The following MGAT4C variants were observed in gnomAD, a reference collection of about 807,000 sequenced individuals.
MGAT4C encodes alpha-1,3-mannosyl-glycoprotein 4-beta-N-acetylglucosaminyltransferase C.
In MGAT4C, 19 loss-of-function variants were observed where a neutral mutation model predicts 40.1. The ratio of observed to expected loss-of-function variants is 0.47; its 90% CI spans 0.33 to 0.70. The LOEUF (loss-of-function observed/expected upper bound fraction) is 0.70, where lower values mean the gene tolerates loss of function less well. Ranked by LOEUF, MGAT4C falls within the 30% of genes least tolerant of loss-of-function variation. The pLI, the probability that MGAT4C is intolerant of heterozygous loss-of-function variation, is 0.02. For synonymous variants in MGAT4C, 181 were observed against 187.1 expected, an observed-to-expected ratio of 0.97 and a Z score of 0.27; for missense variants, 491 against 563.2, an observed-to-expected ratio of 0.87 and a Z score of 1.30.
intron 1 of MGAT4C, among the ~76,000 whole-genome samples, chr12:86,159,776 G>A (rs1414028411): frequency 6.6e-6 from 1 of 151,940 alleles, no homozygotes; most frequent in Admixed American, 6.6e-5. Context: ...GTGCTTCCAG[G>A]AATTTACCCA....
chr12:86,535,928 G>A lies in MGAT4C; in HGVS notation c.-228-100663C>T, dbSNP rs577794911. 1.7e-4 allele frequency among the ~76,000 whole-genome samples: 26 copies of A among 152,108 alleles called. 2 individuals are homozygous for A. The South Asian group carries it at 5.0e-3, about 29-fold the overall frequency. On this transcript the variant is annotated intron_variant, in intron 2 of 7. Transcript: ENST00000548651. ...AAATTATTGTAGATATTTTCATTAT[G>A]TGTTTTCTTAATCTTGTCAGTATTT...
Position 86,296,814 on chromosome 12 carries a change from C to T in MGAT4C, c.-57+37251G>A, listed in dbSNP as rs556574999. Among the ~76,000 whole-genome samples, 41 of 152,306 alleles carry T rather than the reference C, an allele frequency of 2.7e-4. 1 individual carries two copies. Among genetic ancestry groups the T allele is most frequent in the Admixed American group, 1.2e-3 (18 of 15,308 alleles). On this transcript the variant is annotated intron_variant, in intron 4 of 7. Transcript: ENST00000548651. The stretch of plus-strand genomic sequence containing the variant: ...TGCAAGCTGAGGGAGCCGGTTCTGG[C>T]CTTGGCCAGCCCAGAAAGGGGCTCC...
At chr12:86,529,781 G>C (rs572349178) in intron 2 of MGAT4C, among the ~76,000 whole-genome samples, 7 of 151,740 alleles carry the variant, frequency 4.6e-5, no homozygotes, top group Admixed American at 4.6e-4. Flanking sequence ...ATTTTCCTTA[G>C]AATATATATG....
At position 86,563,050 on chromosome 12, in the gene MGAT4C, A is replaced by G. The variant is rs551455342; in HGVS notation, c.-228-127785T>C. On this transcript the variant is annotated intron_variant, in intron 2 of 7. Transcript: ENST00000548651. ...GGAGATTGGGGTGCTGGAGAGGATT[A>G]GTCACTTTAGACCTACTCATCCCAA... Among the ~76,000 whole-genome samples, 7 of 152,182 alleles carry G rather than the reference A, an allele frequency of 4.6e-5. No homozygotes were observed. In the East Asian group the frequency reaches 1.4e-3, roughly 30 times the overall value.
intron 2 of MGAT4C, among the ~76,000 whole-genome samples, chr12:86,039,354 A>G (rs1268830749): frequency 1.3e-5 from 2 of 152,082 alleles, no homozygotes; most frequent in Non-Finnish European, 2.9e-5. Context: ...TTTCAGGTAC[A>G]CCTATCAAAT....
intron 1 of MGAT4C, among the ~76,000 whole-genome samples, chr12:86,203,652 AAG>A (rs2135939541): frequency 6.6e-6 from 1 of 152,248 alleles, no homozygotes; most frequent in African/African-American, 2.4e-5. Flanking sequence ...TCCTTCTTTC[AAG>A]GATATTTCAA....
intron 1 of MGAT4C, among the ~76,000 whole-genome samples, chr12:86,241,975 CACTGTATTT>C (rs1247049559): frequency 6.6e-6 from 1 of 152,048 alleles, no homozygotes; most frequent in African/African-American, 2.4e-5. Context: ...GAGAAAATAC[CACTGTATTT>C]ACCTTTGGTG....
chr12:86,152,533 G>A (rs1002386036), intron 1 of MGAT4C, among the ~76,000 whole-genome samples: 1 of 152,160 alleles, frequency 6.6e-6, no homozygotes, highest in Non-Finnish European at 1.5e-5. Context: ...TGGTGATTCA[G>A]TTTCAACATT....
In MGAT4C at chr12:86,792,183, G is replaced by A. The variant is rs182143299; in HGVS notation, c.-262+46483C>T. On this transcript the variant is annotated intron_variant, in intron 1 of 7. Transcript: ENST00000548651. ...TTAGGTCAATTTAAAGAAAAATTAC[G>A]TCAAATTTATTGTACTCCTAAATAA... 5.5e-4 allele frequency among the ~76,000 whole-genome samples: 83 copies of A among 152,114 alleles called. 1 individual carries two copies. Among genetic ancestry groups the A allele is most frequent in the Non-Finnish European group, 7.6e-4 (52 of 67,994 alleles).
At chr12:86,089,906 C>T (rs1872586265) in intron 1 of MGAT4C, among the ~76,000 whole-genome samples, 1 of 151,470 alleles carries the variant, frequency 6.6e-6, no homozygotes, top group Admixed American at 6.6e-5. Context: ...GTATTTGTTC[C>T]CATATTTTAA....
intron 1 of MGAT4C, among the ~76,000 whole-genome samples, chr12:86,101,354 A>G (rs1875015929): frequency 6.6e-6 from 1 of 151,870 alleles, no homozygotes; most frequent in Admixed American, 6.6e-5. Context: ...GGAGTTCAAA[A>G]GAGGGCAAGA....
intron 1 of MGAT4C, among the ~76,000 whole-genome samples, chr12:86,748,766 C>T (rs1027843065): frequency 2.0e-5 from 3 of 151,180 alleles, no homozygotes; most frequent in Non-Finnish European, 4.4e-5. Flanking sequence ...TTTTTTTAAA[C>T]ATTTACAAAG....
chr12:86,070,450 A>G (rs541286408), intron 1 of MGAT4C, among the ~76,000 whole-genome samples: 1 of 152,158 alleles, frequency 6.6e-6, no homozygotes, highest in East Asian at 1.9e-4. Context: ...AGGGAGGTAA[A>G]AGCTAGTACA....
At chr12:86,039,637 GC>G (rs1401593821) in intron 2 of MGAT4C, among the ~76,000 whole-genome samples, 1 of 151,846 alleles carries the variant, frequency 6.6e-6, no homozygotes, top group Non-Finnish European at 1.5e-5. Flanking sequence ...TTTTTTCAAG[GC>G]TCTTAGCTTC....
rs1242505301 is a variant in MGAT4C at position 86,302,090 on chromosome 12, A to T, written c.-57+31975T>A. Among the ~76,000 whole-genome samples the T allele has an allele frequency of 2.7e-5, 4 of 150,926 alleles. 1 individual carries two copies. Among genetic ancestry groups the T allele is most frequent in the African/African-American group, 9.9e-5 (4 of 40,276 alleles). ...AACTTTTTTTAAATCTTAGCCCCAA[A>T]GTAGGTTTAAATTCAGTCATGAGAA... On this transcript the variant is annotated intron_variant, in intron 4 of 7. Coordinates refer to the MGAT4C transcript ENST00000548651.
chr12:86,229,706 T>C (rs531814202), intron 1 of MGAT4C, among the ~76,000 whole-genome samples: 42 of 152,106 alleles, frequency 2.8e-4, no homozygotes, highest in Non-Finnish European at 5.6e-4. Context: ...AAAAACAAGA[T>C]GAGCATCTTA....
In MGAT4C at chr12:86,646,505, A is replaced by T. The variant is rs115287365; in HGVS notation, c.-229+80704T>A. Among the ~76,000 whole-genome samples, 357 of 152,044 alleles carry T rather than the reference A, an allele frequency of 2.3e-3. 1 individual carries two copies. The highest frequency in any genetic ancestry group is 7.0e-3 in the African/African-American group (292 of 41,530). On this transcript the variant is annotated intron_variant, in intron 2 of 7. Coordinates refer to the MGAT4C transcript ENST00000548651. The stretch of plus-strand genomic sequence containing the variant: ...CTATTATAATTCAAGCTGAGTATAG[A>T]CTACAAGTTCTCTAGAGAAAAGAAA...
At position 86,694,930 on chromosome 12, in the gene MGAT4C, A is replaced by G. The variant is rs145615286; in HGVS notation, c.-229+32279T>C. 9.5e-3 allele frequency among the ~76,000 whole-genome samples: 1,446 copies of G among 152,294 alleles called. 8 individuals carry two copies. The highest frequency in any genetic ancestry group is 0.017 in the Middle Eastern group (5 of 294). On this transcript the variant is annotated intron_variant, in intron 2 of 7. Coordinates refer to the MGAT4C transcript ENST00000548651. ...AAATGGACAAATGGGATCACATCAA[A>G]TTAAAAGGCTTCTAAGCAGCAAACG... is the stretch of plus-strand genomic sequence containing the variant.
intron 1 of MGAT4C, among the ~76,000 whole-genome samples, chr12:86,109,351 T>C (rs182045393): frequency 6.0e-4 from 92 of 152,206 alleles, no homozygotes; most frequent in African/African-American, 2.2e-3. Context: ...AAGTTACTTG[T>C]GGCAATACAA....
Sources: allele counts gnomAD v4.1 joint callset (sites outside exome capture counted in the v4.1 genomes callset), GRCh38; gene constraint gnomAD v4.1.1; transcripts MANE v1.5; gene names NCBI Gene and HGNC (gene_info 2026-07-23, HGNC 2026-07-21).